TFDP2: variants seen among roughly 807,000 people sequenced by gnomAD.
TFDP2 encodes transcription factor Dp-2, also known as transcription factor Dp-2 (E2F dimerization partner 2).
Under a neutral mutation model 59.3 loss-of-function variants are expected in TFDP2, and 17 were observed. The ratio of observed to expected loss-of-function variants is 0.29; its 90% CI spans 0.20 to 0.43. TFDP2 has a LOEUF of 0.43. Ranked by LOEUF, TFDP2 falls within the 20% of genes least tolerant of loss-of-function variation. TFDP2 has a pLI of 1.00. For missense variants in TFDP2, 391 were observed against 528.8 expected, an observed-to-expected ratio of 0.74 and a Z score of 2.56; for synonymous variants, 180 against 194.7, an observed-to-expected ratio of 0.92 and a Z score of 0.63.
intron 3 of TFDP2, among the ~76,000 whole-genome samples, chr3:142,076,333 A>C (rs2060457295): frequency 6.6e-6 from 1 of 152,248 alleles, no homozygotes; most frequent in Non-Finnish European, 1.5e-5. Context: ...AAAGTAATTC[A>C]GAAAGATATT....
Position 142,149,250 on chromosome 3 carries a change from GGCGCCGCC to G in TFDP2, c.-168_-161del. ...GGGCCGAGCCAGGAGCGCGTCTTCG[GGCGCCGCC>G]GCTTCTGTGGCGCCCGCGCTTAGGC... On this transcript the variant is annotated 5_prime_UTR_variant, in exon 1 of 13. Transcript: ENST00000489671. 2.5e-6 allele frequency: 1 copy of G among 397,296 alleles called. No individual in the cohort carries two copies. The highest frequency in any genetic ancestry group is 6.3e-4 in the Middle Eastern group (1 of 1,582). 24.6% of individuals were successfully genotyped at this position (397,296 alleles called of 1,614,324 possible). A position where few individuals can be genotyped will look rare whatever the true frequency, so the allele number is the denominator to read the frequency against.
chr3:142,040,901 A>T (rs1296294172), intron 3 of TFDP2, among the ~76,000 whole-genome samples: 2 of 149,940 alleles, frequency 1.3e-5, no homozygotes, highest in East Asian at 1.9e-4. Flanking sequence ...AAGACCTTTT[A>T]AAAAAAAAAG....
At chr3:142,028,366 A>G (rs1471011094) in intron 3 of TFDP2, among the ~76,000 whole-genome samples, 1 of 152,100 alleles carries the variant, frequency 6.6e-6, no homozygotes, top group Non-Finnish European at 1.5e-5. Flanking sequence ...TAATTTATAT[A>G]AGTAACTGAG....
intron 3 of TFDP2, among the ~76,000 whole-genome samples, chr3:142,015,335 A>C (rs893297701): frequency 1.3e-5 from 2 of 152,144 alleles, no homozygotes; most frequent in African/African-American, 4.8e-5. Flanking sequence ...CTATCTTCTC[A>C]TATCTCCATT....
chr3:142,055,705 T>C (rs1261540441), intron 3 of TFDP2, among the ~76,000 whole-genome samples: 1 of 152,140 alleles, frequency 6.6e-6, no homozygotes, highest in East Asian at 1.9e-4. Context: ...TATCATTTTT[T>C]TTCCTGCTTC....
intron 6 of TFDP2, among the ~76,000 whole-genome samples, chr3:141,985,533 A>AC (rs1417078412): frequency 2.1e-5 from 3 of 146,118 alleles, no homozygotes; most frequent in African/African-American, 7.3e-5. Flanking sequence ...AAAAAAAAAA[A>AC]AAAAAAAAAA....
chr3:141,966,916 T>TA (rs10668338), intron 9 of TFDP2, among the ~76,000 whole-genome samples: 46,101 of 120,568 alleles, frequency 0.38, 8,938 homozygotes, highest in African/African-American at 0.46. Context: ...GATTACTTAT[T>TA]AAAAAAAAAA....
intron 9 of TFDP2, among the ~76,000 whole-genome samples, chr3:141,965,179 C>G (rs745641708): frequency 6.7e-6 from 1 of 149,960 alleles, no homozygotes; most frequent in Non-Finnish European, 1.5e-5. Context: ...AAACAGATAA[C>G]GTTTTAAAAG....
intron 9 of TFDP2, among the ~76,000 whole-genome samples, chr3:141,967,289 T>G (rs1938244478): frequency 6.7e-6 from 1 of 149,212 alleles, no homozygotes; most frequent in African/African-American, 2.4e-5. Context: ...AGGAAATAAG[T>G]TTTTTGTTTT....
At chr3:142,033,121 G>A (rs1946517687) in intron 3 of TFDP2, among the ~76,000 whole-genome samples, 1 of 152,094 alleles carries the variant, frequency 6.6e-6, no homozygotes, top group Non-Finnish European at 1.5e-5. Flanking sequence ...CTTGAACCCA[G>A]GAGGCAGAGG....
At chr3:141,971,831 C>T (rs147507674) in intron 8 of TFDP2, among the ~76,000 whole-genome samples, 53 of 152,328 alleles carry the variant, frequency 3.5e-4, no homozygotes, top group African/African-American at 8.2e-4. Flanking sequence ...TGCCTCTATC[C>T]GCCTTTGCTG....
chr3:141,965,262 A>C (rs1366207144), intron 9 of TFDP2, among the ~76,000 whole-genome samples: 1 of 151,822 alleles, frequency 6.6e-6, no homozygotes, highest in East Asian at 1.9e-4. Flanking sequence ...TGATAAATTT[A>C]TTTTTTACAT....
intron 7 of TFDP2, among the ~76,000 whole-genome samples, chr3:141,976,809 T>C (rs945399569): frequency 1.9e-4 from 28 of 145,824 alleles, no homozygotes; most frequent in African/African-American, 7.1e-4. Context: ...CTAGAGAACA[T>C]GAAAAGAAAA....
chr3:141,990,238 G>A (rs1267415496), intron 6 of TFDP2, among the ~76,000 whole-genome samples: 1 of 151,754 alleles, frequency 6.6e-6, no homozygotes, highest in East Asian at 1.9e-4. Flanking sequence ...GATCTTAGCA[G>A]TGAGCATGAG....
intron 3 of TFDP2, among the ~76,000 whole-genome samples, chr3:142,086,590 A>ATG (rs2060817150): frequency 2.0e-5 from 3 of 152,218 alleles, no homozygotes; most frequent in African/African-American, 7.2e-5. Context: ...TACATAGGGC[A>ATG]AGGTATGGAA....
intron 3 of TFDP2, among the ~76,000 whole-genome samples, chr3:142,052,041 G>A (rs572586682): frequency 6.6e-6 from 1 of 152,090 alleles, no homozygotes; most frequent in African/African-American, 2.4e-5. Context: ...TGGGAGGATA[G>A]CTTGAGCCCA....
At chr3:142,097,244 C>A (rs1286961047) in intron 2 of TFDP2, among the ~76,000 whole-genome samples, 3 of 152,156 alleles carry the variant, frequency 2.0e-5, no homozygotes, top group African/African-American at 7.2e-5. Flanking sequence ...ATTATACACA[C>A]TTTGGCTCAG....
Position 142,067,452 on chromosome 3 carries a change from C to T in TFDP2, c.82+25609G>A, listed in dbSNP as rs78441310. Among the ~76,000 whole-genome samples the T allele has an allele frequency of 5.3e-4, 80 of 151,656 alleles. 1 individual carries two copies. In the East Asian group the frequency reaches 0.016, roughly 29 times the overall value. ...AGATCTCTGGGGGAAAACCATAAAA[C>T]TCTGATAAAAGAAATCAAAGAAGAC... On this transcript the variant is annotated intron_variant, in intron 3 of 12. Coordinates refer to ENST00000489671, the MANE Select transcript of TFDP2 (RefSeq NM_001178139.2).
At chr3:142,135,650 T>C (rs1273725332) in intron 1 of TFDP2, among the ~76,000 whole-genome samples, 4 of 151,974 alleles carry the variant, frequency 2.6e-5, no homozygotes, top group African/African-American at 4.8e-5. Flanking sequence ...GGAGAACATA[T>C]GGTGTTTGGT....
Sources: allele counts gnomAD v4.1 joint callset (sites outside exome capture counted in the v4.1 genomes callset), GRCh38; gene constraint gnomAD v4.1.1; transcripts MANE v1.5; gene names NCBI Gene and HGNC (gene_info 2026-07-23, HGNC 2026-07-21).